The following GSE1 variants were observed in gnomAD, a reference collection of about 807,000 sequenced individuals.
GSE1 encodes the protein genetic suppressor element 1.
Under a neutral mutation model 112.6 loss-of-function variants are expected in GSE1, and 32 were observed. The ratio of observed to expected loss-of-function variants is 0.28; its 90% CI spans 0.21 to 0.38. GSE1 has a LOEUF of 0.38. Ranked by LOEUF, GSE1 falls within the 10% of genes least tolerant of loss-of-function variation. The probability of loss-of-function intolerance (pLI) is 1.00; values close to 1 mark genes in which losing one functional copy is unlikely to be tolerated. For missense variants in GSE1, 2,348 were observed against 1,699.2 expected (o/e 1.38, Z -6.71); for synonymous variants, 1,115 against 735.6 (o/e 1.52, Z -8.35).
chr16:85,230,648 T>C (rs1263774779), intron 1 of GSE1, among the ~76,000 whole-genome samples: 2 of 152,184 alleles, frequency 1.3e-5, no homozygotes, highest in African/African-American at 4.8e-5. Flanking sequence ...ATCCTGGACA[T>C]GTGGGGAGAG....
At chr16:85,184,703 T>C (rs187070494) in intron 1 of GSE1, among the ~76,000 whole-genome samples, 1 of 152,388 alleles carries the variant, frequency 6.6e-6, no homozygotes, top group Non-Finnish European at 1.5e-5. Context: ...TTGTGTTTTT[T>C]TTCTTTGACC....
chr16:85,452,520 G>A (rs116188835), intron 2 of GSE1, among the ~76,000 whole-genome samples: 2,080 of 152,320 alleles, frequency 0.014, 50 homozygotes, highest in African/African-American at 0.048. Flanking sequence ...AAGCTACCCC[G>A]GCGGGGCCCA....
At chr16:85,657,652 T>C in intron 8 of GSE1, 48 bp downstream of exon 8, 6 of 1,340,900 alleles carry the variant, frequency 4.5e-6, no homozygotes, top group Non-Finnish European at 5.0e-6. Flanking sequence ...CACGTTCCGA[T>C]TTGTTCAGCG....
upstream of GSE1, among the ~76,000 whole-genome samples, chr16:85,551,560 C>T (rs1178856535): frequency 6.6e-6 from 1 of 152,244 alleles, no homozygotes; most frequent in Non-Finnish European, 1.5e-5. Context: ...GCCCGGGAGG[C>T]TCACGGCGGG....
chr16:85,581,835 G>C (rs2046461114), intron 1 of GSE1, among the ~76,000 whole-genome samples: 1 of 152,148 alleles, frequency 6.6e-6, no homozygotes, highest in African/African-American at 2.4e-5. Context: ...TGAAGTTCCT[G>C]TCCCCCACTG....
At chr16:85,417,654 T>C (rs1384676901) in intron 2 of GSE1, among the ~76,000 whole-genome samples, 1 of 152,172 alleles carries the variant, frequency 6.6e-6, no homozygotes, top group Non-Finnish European at 1.5e-5. Context: ...TATGGAAGGC[T>C]GGGGCCCAAG....
chr16:85,669,764 G>A (rs1362338488), intron 14 of GSE1, among the ~76,000 whole-genome samples: 1 of 151,736 alleles, frequency 6.6e-6, no homozygotes, highest in African/African-American at 2.4e-5. Flanking sequence ...TAGGATTCAT[G>A]TGTGTGTACA....
intron 2 of GSE1, among the ~76,000 whole-genome samples, chr16:85,400,981 C>T (rs12934848): frequency 0.023 from 3,428 of 152,176 alleles, 42 homozygotes; most frequent in Non-Finnish European, 0.036. Flanking sequence ...AGGAGGCAGC[C>T]GGCAAGGTTG....
chr16:85,644,141 A>T (rs1158789436), intron 2 of GSE1, among the ~76,000 whole-genome samples: 1 of 151,978 alleles, frequency 6.6e-6, no homozygotes, highest in Non-Finnish European at 1.5e-5. Context: ...CATCCTGGGC[A>T]CCACAGCGAG....
intron 1 of GSE1, among the ~76,000 whole-genome samples, chr16:85,230,578 C>T (rs1404785959): frequency 6.6e-6 from 1 of 152,216 alleles, no homozygotes; most frequent in African/African-American, 2.4e-5. Context: ...CATTCTCCAG[C>T]AGGCTCTCCT....
At chr16:85,611,913 G>A (rs2151541016), upstream of GSE1, among the ~76,000 whole-genome samples, 1 of 152,100 alleles carries the variant, frequency 6.6e-6, no homozygotes, top group South Asian at 2.1e-4. Context: ...GGCAGCGTGC[G>A]CGCCTGCCAA....
rs1021203885 is a variant in GSE1, at chr16:85,274,797, G to C, written c.2284-82666G>C. Reference sequence around the variant, plus strand: ...CCACTGGCACCTGCCCCCAGCAGCAGGTCACCTGCAGAAAGCTCACACTGG... The same window carrying C: ...CCACTGGCACCTGCCCCCAGCAGCACGTCACCTGCAGAAAGCTCACACTGG... On this transcript the variant is annotated intron_variant, in intron 1 of 2. Transcript: ENST00000637419. 1.6e-4 allele frequency among the ~76,000 whole-genome samples: 24 copies of C among 152,204 alleles called. 1 individual carries two copies. The highest frequency in any genetic ancestry group is 4.6e-4 in the African/African-American group (19 of 41,444).
chr16:85,185,798 G>A (rs755890241), intron 1 of GSE1, among the ~76,000 whole-genome samples: 1 of 152,284 alleles, frequency 6.6e-6, no homozygotes, highest in Non-Finnish European at 1.5e-5. Flanking sequence ...CTGGCAGAAG[G>A]CCTCCTGCCC....
At position 85,656,411 on chromosome 16, in the gene GSE1, C is replaced by G. The variant is rs1567736436; in HGVS notation, c.1058C>G (p.Ala353Gly). The G allele has an allele frequency of 1.3e-6, 2 of 1,567,744 alleles. No homozygotes were observed. Among genetic ancestry groups the G allele is most frequent in the Admixed American group, 1.8e-5 (1 of 56,128 alleles). The change falls in exon 7 of 16, where the codon GCT (alanine) becomes GGT (glycine). Residue 353 changes from alanine (A) to glycine (G), a missense_variant. Transcript: ENST00000253458. ...REREREREREADREREKERER... is the reference protein window; with the variant it reads ...REREREREREGDREREKERER... ...CGCGAGCGCGAGCGTGAGCGTGAGG[C>G]TGACCGCGAGCGGGAGAAGGAACGT...
chr16:85,604,273 C>G (rs894157236), intron 1 of GSE1, among the ~76,000 whole-genome samples: 1 of 152,192 alleles, frequency 6.6e-6, no homozygotes. Flanking sequence ...CCTTGTTTGT[C>G]TGGCTTCTTC....
At chr16:85,536,643 C>T (rs1345349120) in intron 2 of GSE1, among the ~76,000 whole-genome samples, 1 of 152,256 alleles carries the variant, frequency 6.6e-6, no homozygotes, top group South Asian at 2.1e-4. Flanking sequence ...GCCACGGGCC[C>T]TGCATGGCAG....
At chr16:85,280,315 C>T (rs1383508595) in intron 1 of GSE1, among the ~76,000 whole-genome samples, 1 of 152,208 alleles carries the variant, frequency 6.6e-6, no homozygotes, top group African/African-American at 2.4e-5. Flanking sequence ...GCCAAGGCCC[C>T]ATCCAGCACC....
intron 2 of GSE1, among the ~76,000 whole-genome samples, chr16:85,433,692 G>T (rs2049175996): frequency 6.6e-6 from 1 of 152,046 alleles, no homozygotes; most frequent in South Asian, 2.1e-4. Flanking sequence ...TGAGCAGAAG[G>T]ATAGATGGGC....
intron 1 of GSE1, among the ~76,000 whole-genome samples, chr16:85,305,436 C>T (rs1354443784): frequency 6.6e-6 from 1 of 151,584 alleles, no homozygotes; most frequent in African/African-American, 2.4e-5. Context: ...AGGCATGAGC[C>T]ACATGCCCAG....
Sources: gnomAD v4.1 joint callset for allele counts (sites outside exome capture counted in the v4.1 genomes callset) on GRCh38, gnomAD v4.1.1 for gene constraint, MANE v1.5 for transcripts, NCBI Gene and HGNC (gene_info 2026-07-23, HGNC 2026-07-21) for gene names.